CLSTN3: variants seen among roughly 807,000 people sequenced by gnomAD.
The protein encoded by CLSTN3 is calsyntenin 3, also known as calsyntenin-3.
In CLSTN3, 36 loss-of-function variants were observed where a neutral mutation model predicts 95.9. The ratio of observed to expected loss-of-function variants is 0.38; its 90% CI spans 0.29 to 0.50. The LOEUF (loss-of-function observed/expected upper bound fraction) is 0.50. CLSTN3 is among the 20% of genes least tolerant of loss of function. The pLI is 0.95. For missense variants in CLSTN3, 1,084 were observed against 1,268.8 expected (o/e 0.85, Z 2.21); for synonymous variants, 481 against 504.0 (o/e 0.95, Z 0.61).
chr12:7,134,020 C>T, intron 3 of CLSTN3: 1 of 412,052 alleles, frequency 2.4e-6, no homozygotes, highest in Non-Finnish European at 4.3e-6. Flanking sequence ...CCTAGCCTTT[C>T]TGGACTTGCT....
intron 8 of CLSTN3, among the ~76,000 whole-genome samples, chr12:7,138,442 G>GA (rs1342903076): frequency 1.3e-5 from 2 of 152,288 alleles, no homozygotes; most frequent in African/African-American, 4.8e-5. Flanking sequence ...GAGGTACACA[G>GA]ATTGGGTTTG....
rs1356090238 is a variant in CLSTN3, at chr12:7,137,498, G to A, written c.1210+388G>A. ...CCTGGGACTGGTTGGCCCCAACTCC[G>A]AGGCCTGTTCTTCCCTCAACTGCAG... On this transcript the variant is annotated intron_variant, in intron 7 of 17. Transcript: ENST00000266546. This position sits in a 1 kb window ranked among gnomAD's most constrained non-coding sequence, Gnocchi z 4.4. Among the ~76,000 whole-genome samples the A allele has an allele frequency of 1.3e-5, 2 of 152,140 alleles. No homozygotes were observed. Among genetic ancestry groups the A allele is most frequent in the African/African-American group, 4.8e-5 (2 of 41,402 alleles).
chr12:7,130,307 C>A (rs1451691260), upstream of CLSTN3: 6 of 912,796 alleles, frequency 6.6e-6, 1 homozygote, highest in Admixed American at 2.3e-4. Flanking sequence ...ACCTGGTCCC[C>A]CCCCCTCCCA....
In CLSTN3 at chr12:7,142,968, A is replaced by G. The variant is rs917046869; in HGVS notation, c.1640A>G (p.Tyr547Cys). 4 of 1,614,152 alleles carry G rather than the reference A, an allele frequency of 2.5e-6. No homozygotes were observed. Among genetic ancestry groups the G allele is most frequent in the Non-Finnish European group, 3.4e-6 (4 of 1,180,008 alleles). The change falls in exon 11 of 18, where the codon TAT becomes TGT. Residue 547 changes from tyrosine (Y) to cysteine (C), a missense_variant. By Grantham distance (194) the Tyr-to-Cys change is radical. Coordinates refer to ENST00000266546, the MANE Select transcript of CLSTN3 (RefSeq NM_014718.4). ...LESREVIECL[Y>C]ACREGLDYRD... is the part of the protein sequence containing the mutation. ...AGCCGCGAGGTCATCGAGTGCCTCTATGCATGTCGGGAGGGGCTGGACTAT... is the reference window on the plus strand; with the variant it reads ...AGCCGCGAGGTCATCGAGTGCCTCTGTGCATGTCGGGAGGGGCTGGACTAT...
Position 7,150,777 on chromosome 12 carries a change from A to G in CLSTN3, c.2391+88A>G. ...GGACTCAAAATGTTAGTTGGTGGGC[A>G]TGGACATGGCAGCGTGGAGGGCTGC... is the stretch of plus-strand genomic sequence containing the variant. On this transcript the variant is annotated intron_variant, in intron 15 of 17. Coordinates refer to ENST00000266546, the MANE Select transcript of CLSTN3 (RefSeq NM_014718.4). The surrounding 1 kb of genome is among the most constrained non-coding windows in gnomAD (Gnocchi z 4.0). 6.3e-7 allele frequency: 1 copy of G among 1,576,784 alleles called. No individual in the cohort carries two copies. The highest frequency in any genetic ancestry group is 1.2e-5 in the South Asian group (1 of 86,284).
Position 7,136,299 on chromosome 12 carries a change from A to T in CLSTN3, c.836A>T (p.Asn279Ile). Reference protein sequence around the residue: ...RLETCDEPLWNIQATIELQTS... With the variant: ...RLETCDEPLWIIQATIELQTS... ...GAGACCTGTGATGAACCACTCTGGA[A>T]CATTCAGGCCACCATAGAGCTGCAG... is the stretch of plus-strand genomic sequence containing the variant. The change falls in exon 6 of 18, where the codon AAC (asparagine) becomes ATC (isoleucine). Residue 279 changes from asparagine (N) to isoleucine (I), a missense_variant. Transcript: ENST00000266546. The T allele has an allele frequency of 1.9e-6, 3 of 1,614,220 alleles. No homozygotes were observed. Among genetic ancestry groups the T allele is most frequent in the Non-Finnish European group, 2.5e-6 (3 of 1,180,042 alleles).
At chr12:7,148,111 G>A (rs970509204) in intron 12 of CLSTN3, among the ~76,000 whole-genome samples, 5 of 150,820 alleles carry the variant, frequency 3.3e-5, no homozygotes, top group Admixed American at 2.0e-4. Flanking sequence ...AGCCAAGATC[G>A]CACCATTGCA....
rs1034085321 is a variant in CLSTN3, at chr12:7,149,614, A to G, written c.2166A>G (p.Glu722=). Residue 722 remains glutamate, a synonymous_variant, in exon 14 of 18, where the codon GAA becomes GAG. Transcript: ENST00000266546. This position sits in a 1 kb window ranked among gnomAD's most constrained non-coding sequence, Gnocchi z 4.5. The stretch of plus-strand genomic sequence containing the variant: ...GGGATGACCTGGATCCCGAGCGGGA[A>G]AGCCTGCTCCTGGACACAACCTCTC... ...LVGDDLDPER[E]SLLLDTTSLQ... 2.5e-6 allele frequency: 4 copies of G among 1,614,008 alleles called. No individual in the cohort carries two copies. The highest frequency in any genetic ancestry group is 3.4e-6 in the Non-Finnish European group (4 of 1,179,914).
chr12:7,157,437 GC>G lies in CLSTN3; in HGVS notation c.2528-47del. ...TTCCTACCCAGCCCCCTGTCCAAGT[GC>G]CCCCAGGTGTGCCTAGTCACGCTCT... On this transcript the variant is annotated intron_variant, in intron 16 of 17. Transcript: ENST00000266546. This position sits in a 1 kb window ranked among gnomAD's most constrained non-coding sequence, Gnocchi z 5.9. 1 of 1,477,186 alleles carries G rather than the reference GC, an allele frequency of 6.8e-7. No individual in the cohort carries two copies. The highest frequency in any genetic ancestry group is 1.4e-5 in the South Asian group (1 of 72,662). The allele number at this position is 1,477,186 out of a possible 1,614,324, so 91.5% of individuals were successfully genotyped here.
chr12:7,151,274 G>T (rs1371098125), intron 16 of CLSTN3: 1 of 515,566 alleles, frequency 1.9e-6, no homozygotes, highest in East Asian at 3.5e-5. Flanking sequence ...CATGAGCCTT[G>T]TGTCATTGTA....
chr12:7,136,354 T>C lies in CLSTN3; in HGVS notation c.891T>C (p.Arg297=). The C allele has an allele frequency of 6.2e-7, 1 of 1,614,128 alleles. No individual in the cohort carries two copies. Among genetic ancestry groups the C allele is most frequent in the Non-Finnish European group, 8.5e-7 (1 of 1,179,984 alleles). ...GCCATGTGGCCAAGGGCTGTGACCG[T>C]GACAACTACTCAGAGCGGGCGCTGC... ...QTSHVAKGCD[R]DNYSERALRK... Residue 297 remains arginine (R), a synonymous_variant, in exon 6 of 18, where the codon CGT becomes CGC. Coordinates refer to ENST00000266546, the MANE Select transcript of CLSTN3 (RefSeq NM_014718.4).
chr12:7,151,104 G>C, intron 16 of CLSTN3, 41 bp downstream of exon 16: 1 of 1,510,556 alleles, frequency 6.6e-7, no homozygotes, highest in East Asian at 2.4e-5. Flanking sequence ...GGGGCAGGTG[G>C]CAGGTGAGTG....
In CLSTN3 at chr12:7,150,726, C is replaced by T. The variant is rs371414630; in HGVS notation, c.2391+37C>T. The stretch of plus-strand genomic sequence containing the variant: ...GTCTCCTTCCTTCCACAGTTACCCA[C>T]CCCCAGAAAGGAGCTGAGGTGGCAT... On this transcript the variant is annotated intron_variant, in intron 15 of 17. Transcript: ENST00000266546. This position sits in a 1 kb window ranked among gnomAD's most constrained non-coding sequence, Gnocchi z 4.0. 6.2e-7 allele frequency: 1 copy of T among 1,602,744 alleles called. No homozygotes were observed. The highest frequency in any genetic ancestry group is 8.5e-7 in the Non-Finnish European group (1 of 1,170,802).
In CLSTN3 at chr12:7,137,392, C is replaced by A; in HGVS notation, c.1210+282C>A. 2.4e-6 allele frequency: 1 copy of A among 423,222 alleles called. No homozygotes were observed. Among genetic ancestry groups the A allele is most frequent in the East Asian group, 4.3e-5 (1 of 23,418 alleles). The allele number at this position is 423,222 out of a possible 1,614,324, so 26.2% of individuals were successfully genotyped here. A position where few individuals can be genotyped will look rare whatever the true frequency, so the allele number is the denominator to read the frequency against. ...CCATGTGGTAGGCTGTCCCCACCCC[C>A]CATCTCCACCTCCATTAAAGCCCCT... On this transcript the variant is annotated intron_variant, in intron 7 of 17. Coordinates refer to ENST00000266546, the MANE Select transcript of CLSTN3 (RefSeq NM_014718.4). The surrounding 1 kb of genome is among the most constrained non-coding windows in gnomAD (Gnocchi z 4.4).
At chr12:7,130,286 C>T (rs1012987339), upstream of CLSTN3, 25 of 807,874 alleles carry the variant, frequency 3.1e-5, no homozygotes, top group Non-Finnish European at 3.6e-5. Context: ...GGCTCCCTCC[C>T]CCGCTGCAGC....
chr12:7,135,323 G>T lies in CLSTN3; in HGVS notation c.384-4G>T, dbSNP rs117963905. On this transcript the variant is annotated splice_polypyrimidine_tract_variant and splice_region_variant and intron_variant, in intron 3 of 17. Coordinates refer to ENST00000266546, the MANE Select transcript of CLSTN3 (RefSeq NM_014718.4). ...TCATCCCTCCTTCTCTCTGGCATAT[G>T]CAGGGCCACTGTGCATGTGCGGGTC... 152 of 1,613,942 alleles carry T rather than the reference G, an allele frequency of 9.4e-5. 2 individuals carry two copies. In the East Asian group the frequency reaches 3.3e-3, roughly 35 times the overall value.
chr12:7,156,669 G>T (rs776415509), intron 16 of CLSTN3: 1 of 456,878 alleles, frequency 2.2e-6, no homozygotes, highest in South Asian at 1.5e-5. Flanking sequence ...ATGTACCTGT[G>T]CATGCACATC....
At position 7,150,576 on chromosome 12, in the gene CLSTN3, C is replaced by A. The variant is rs1262037075; in HGVS notation, c.2278C>A (p.Leu760Met). Residue 760 changes from leucine (L) to methionine (M), a missense_variant, in exon 15 of 18, where the codon CTG becomes ATG. By Grantham distance (15) the Leu-to-Met change is conservative. Transcript: ENST00000266546. This position sits in a 1 kb window ranked among gnomAD's most constrained non-coding sequence, Gnocchi z 4.0. ...VESITVYEEILRQARYRLRHG... is the reference protein window; with the variant it reads ...VESITVYEEIMRQARYRLRHG... ...GAGCATCACTGTGTATGAAGAGATC[C>A]TGAGGCAGGCTCGTTATCGGCTGCG... 1.2e-6 allele frequency: 2 copies of A among 1,613,952 alleles called. No individual in the cohort carries two copies. Among genetic ancestry groups the A allele is most frequent in the African/African-American group, 2.7e-5 (2 of 74,928 alleles).
Position 7,157,668 on chromosome 12 carries a change from A to C in CLSTN3, c.2707A>C (p.Thr903Pro). 6.3e-7 allele frequency: 1 copy of C among 1,596,966 alleles called. No homozygotes were observed. The highest frequency in any genetic ancestry group is 1.1e-5 in the South Asian group (1 of 88,690). The change falls in exon 17 of 18, where the codon ACC becomes CCC. Residue 903 changes from threonine to proline, a missense_variant. Thr to Pro is a conservative substitution (Grantham distance 38). Transcript: ENST00000266546. This position sits in a 1 kb window ranked among gnomAD's most constrained non-coding sequence, Gnocchi z 5.9. ...PDLFWDDSAL[T>P]IIVNPMESYQ... ...CCTCTTCTGGGATGACTCAGCTCTC[A>C]CCATCATTGTGAACCCCATGGAGGT...
Sources: allele counts gnomAD v4.1 joint callset (sites outside exome capture counted in the v4.1 genomes callset), GRCh38; gene constraint gnomAD v4.1.1; non-coding constraint Gnocchi (gnomAD v3.1); transcripts MANE v1.5; gene names NCBI Gene and HGNC (gene_info 2026-07-23, HGNC 2026-07-21).